The following ZFP64 variants were observed in gnomAD, a reference collection of about 807,000 sequenced individuals.
The protein encoded by ZFP64 is ZFP64 zinc finger protein.
Under a neutral mutation model 51.6 loss-of-function variants are expected in ZFP64, and 14 were observed. The ratio of observed to expected loss-of-function variants is 0.27; its 90% CI spans 0.18 to 0.42. The LOEUF (loss-of-function observed/expected upper bound fraction) is 0.42, where lower values mean the gene tolerates loss of function less well. Among genes scored for constraint, ZFP64 ranks in the 10% least tolerant of loss-of-function variants. The probability of loss-of-function intolerance (pLI) is 1.00; values close to 1 mark genes in which losing one functional copy is unlikely to be tolerated. For synonymous variants in ZFP64, 375 were observed against 361.4 expected (o/e 1.04, Z -0.43); for missense variants, 754 against 906.8 (o/e 0.83, Z 2.16).
chr20:52,117,610 C>T (rs367965193), intron 5 of ZFP64: 2 of 455,930 alleles, frequency 4.4e-6, no homozygotes, highest in African/African-American at 4.0e-5. Flanking sequence ...CAGAGCGAAA[C>T]TCTGTCTCAA....
At position 52,152,588 on chromosome 20, in the gene ZFP64, G is replaced by A; in HGVS notation, c.1604C>T (p.Pro535Leu). ...ALVAQNPEELPGNSRLQILRQ... is the reference protein window; with the variant it reads ...ALVAQNPEELLGNSRLQILRQ... ...CAGGATCTGCAGCCGGCTGTTCCCT[G>A]GGAGTTCCTCTGGGTTCTGGGCCAC... Residue 535 changes from proline to leucine, a missense_variant, in exon 6 of 6, where the codon CCA (proline) becomes CTA (leucine). By Grantham distance (98) the Pro-to-Leu change is moderately conservative. Around this residue, in one of 3 missense-constraint regions of ZFP64, gnomAD observed 428 missense variants for 472.4 expected, o/e 0.91. Transcript: ENST00000216923. The A allele has an allele frequency of 1.3e-6, 2 of 1,552,116 alleles. No individual in the cohort carries two copies. Among genetic ancestry groups the A allele is most frequent in the South Asian group, 1.2e-5 (1 of 81,422 alleles).
chr20:52,084,351 G>C, exon 9 of ZFP64: 1 of 574,464 alleles, frequency 1.7e-6, no homozygotes, highest in Admixed American at 3.1e-5. Flanking sequence ...GGAGGGAAGA[G>C]ACAAATGCGA....
At chr20:52,161,044 C>T (rs1482280297) in intron 4 of ZFP64, among the ~76,000 whole-genome samples, 1 of 152,114 alleles carries the variant, frequency 6.6e-6, no homozygotes, top group Admixed American at 6.5e-5. Flanking sequence ...GGCATACCTG[C>T]AGATGGTGGA....
chr20:52,160,007 G>T lies in ZFP64; in HGVS notation c.763+116C>A, dbSNP rs1981643732. 3.9e-6 allele frequency: 6 copies of T among 1,529,804 alleles called. No individual in the cohort carries two copies. The highest frequency in any genetic ancestry group is 5.3e-6 in the Non-Finnish European group (6 of 1,132,828). The allele number at this position is 1,529,804 out of a possible 1,614,324, so 94.8% of individuals were successfully genotyped here. A position where few individuals can be genotyped will look rare whatever the true frequency, so the allele number is the denominator to read the frequency against. ...AAAAAAAACAAAACTGCAAACAACG[G>T]GATGAGCAAAGGTTCCAACTCGATT... On this transcript the variant is annotated intron_variant, in intron 5 of 5. Coordinates refer to ENST00000216923, the MANE Select transcript of ZFP64 (RefSeq NM_018197.3). The surrounding 1 kb of genome is among the most constrained non-coding windows in gnomAD (Gnocchi z 4.2).
intron 2 of ZFP64, among the ~76,000 whole-genome samples, chr20:52,181,185 A>G (rs1600815182): frequency 6.6e-6 from 1 of 151,806 alleles, no homozygotes; most frequent in African/African-American, 2.4e-5. Context: ...CTTGTGATCC[A>G]CCCACTTCAG....
chr20:52,174,504 A>AG (rs71192599), intron 2 of ZFP64, among the ~76,000 whole-genome samples: 2 of 150,924 alleles, frequency 1.3e-5, no homozygotes, highest in African/African-American at 2.4e-5. Flanking sequence ...AAAAAAAAAA[A>AG]GTATATTTTA....
rs1450842986 is a variant in ZFP64, at chr20:52,186,812, C to T, written c.286+20G>A. 1.1e-5 allele frequency: 18 copies of T among 1,587,738 alleles called. No individual in the cohort carries two copies. The highest frequency in any genetic ancestry group is 1.5e-5 in the Non-Finnish European group (17 of 1,159,610). ...ACAGCCAGGCCAATTCTGGCCGACTCCCCCATGCTCCAGCTGTACCTGTGA... is the reference window on the plus strand; with the variant it reads ...ACAGCCAGGCCAATTCTGGCCGACTTCCCCATGCTCCAGCTGTACCTGTGA... On this transcript the variant is annotated intron_variant, in intron 2 of 5. Coordinates refer to ENST00000216923, the MANE Select transcript of ZFP64 (RefSeq NM_018197.3).
intron 7 of ZFP64, among the ~76,000 whole-genome samples, chr20:52,094,048 A>C (rs1353396435): frequency 2.6e-5 from 4 of 152,230 alleles, no homozygotes; most frequent in African/African-American, 4.8e-5. Context: ...AGCACAACAA[A>C]GGTCAAGAAC....
At chr20:52,169,429 A>AC (rs764062972) in intron 2 of ZFP64, among the ~76,000 whole-genome samples, 2 of 151,888 alleles carry the variant, frequency 1.3e-5, no homozygotes, top group African/African-American at 4.8e-5. Flanking sequence ...TGCACAAGTG[A>AC]CCCCCTGTGC....
At position 52,164,777 on chromosome 20, in the gene ZFP64, A is replaced by G; in HGVS notation, c.449-20T>C. ...GGCAACCTAAAAAAAAAAAGGAAAG[A>G]TTAATTACAAAGGAAAACTTAGTAA... On this transcript the variant is annotated intron_variant, in intron 3 of 5. Transcript: ENST00000216923. 6.2e-7 allele frequency: 1 copy of G among 1,605,146 alleles called. No homozygotes were observed. The highest frequency in any genetic ancestry group is 8.5e-7 in the Non-Finnish European group (1 of 1,173,004).
At chr20:52,175,189 C>T (rs563823070) in intron 2 of ZFP64, among the ~76,000 whole-genome samples, 39 of 152,332 alleles carry the variant, frequency 2.6e-4, no homozygotes, top group African/African-American at 9.4e-4. Flanking sequence ...GTGGCACCAT[C>T]TCGGCTCACT....
intron 5 of ZFP64, among the ~76,000 whole-genome samples, chr20:52,154,687 C>A (rs1981160163): frequency 6.6e-6 from 1 of 152,134 alleles, no homozygotes; most frequent in Non-Finnish European, 1.5e-5. Context: ...TGACTGAATA[C>A]CACCAAGATC....
Position 52,152,987 on chromosome 20 carries a change from G to A in ZFP64, c.1205C>T (p.Ala402Val), listed in dbSNP as rs1980989418. 6.2e-7 allele frequency: 1 copy of A among 1,613,714 alleles called. No homozygotes were observed. The highest frequency in any genetic ancestry group is 8.5e-7 in the Non-Finnish European group (1 of 1,180,038). The change falls in exon 6 of 6, where the codon GCT (alanine) becomes GTT (valine). Residue 402 changes from alanine to valine, a missense_variant. Coordinates refer to ENST00000216923, the MANE Select transcript of ZFP64 (RefSeq NM_018197.3). Reference protein sequence around the residue: ...KFHGDMVKTEALERKDTGRQS... With the variant: ...KFHGDMVKTEVLERKDTGRQS... ...CCTGCCGGTGTCCTTCCTCTCTAGA[G>A]CCTCAGTCTTAACCATGTCCCCATG... is the stretch of plus-strand genomic sequence containing the variant.
chr20:52,181,204 A>G (rs1568704349), intron 2 of ZFP64, among the ~76,000 whole-genome samples: 3 of 152,004 alleles, frequency 2.0e-5, no homozygotes, highest in African/African-American at 7.3e-5. Context: ...AGCCTCCCAA[A>G]GTGTTGGGAT....
At chr20:52,122,503 C>CAA (rs71192596) in intron 5 of ZFP64, among the ~76,000 whole-genome samples, 15 of 91,094 alleles carry the variant, frequency 1.6e-4, no homozygotes, top group African/African-American at 6.7e-4. Flanking sequence ...GACTCCGTCT[C>CAA]AAAAAAAAAA....
chr20:52,117,710 C>A (rs1423758226), intron 5 of ZFP64: 2 of 456,148 alleles, frequency 4.4e-6, no homozygotes, highest in African/African-American at 4.0e-5. Flanking sequence ...GGGTGTGGAC[C>A]AGCTGGGCCA....
chr20:52,098,566 A>G, exon 6 of ZFP64: 1 of 1,614,130 alleles, frequency 6.2e-7, no homozygotes, highest in Non-Finnish European at 8.5e-7. Context: ...TGCTTTTGGA[A>G]CATCATCATC....
chr20:52,166,134 C>T, intron 2 of ZFP64, 109 bp from the exon 3 acceptor site: 2 of 1,181,242 alleles, frequency 1.7e-6, no homozygotes, highest in Non-Finnish European at 2.3e-6. Flanking sequence ...GCTTTCCCAG[C>T]CTCCCTTGCG....
chr20:52,149,571 G>C (rs1980690183), downstream of ZFP64, among the ~76,000 whole-genome samples: 1 of 152,144 alleles, frequency 6.6e-6, no homozygotes, highest in Non-Finnish European at 1.5e-5. Flanking sequence ...TAAGAACACA[G>C]AGCACCTAAC....
Sources: gnomAD v4.1 joint callset for allele counts (sites outside exome capture counted in the v4.1 genomes callset) on GRCh38, gnomAD v4.1.1 for gene constraint, gnomAD v4.1.1 regional missense constraint, Gnocchi (gnomAD v3.1) non-coding constraint, MANE v1.5 for transcripts, NCBI Gene and HGNC (gene_info 2026-07-23, HGNC 2026-07-21) for gene names.